Variants in NOTCH2 observed in about 807,000 individuals in gnomAD.
The protein encoded by NOTCH2 is neurogenic locus notch homolog protein 2.
NOTCH2 carries 29 observed loss-of-function variants against 235.8 expected under a neutral mutation model. The ratio of observed to expected loss-of-function variants is 0.12; its 90% CI spans 0.09 to 0.17. The LOEUF is 0.17. NOTCH2 is among the 10% of genes least tolerant of loss of function. NOTCH2 has a pLI of 1.00. For synonymous variants in NOTCH2, 1,086 were observed against 1,141.5 expected, an observed-to-expected ratio of 0.95 and a Z score of 0.98; for missense variants, 2,285 against 3,150.2, an observed-to-expected ratio of 0.73 and a Z score of 6.57.
chr1:119,917,123 G>GA (rs1336775673), intron 33 of NOTCH2, among the ~76,000 whole-genome samples: 2 of 151,956 alleles, frequency 1.3e-5, no homozygotes, highest in African/African-American at 2.4e-5. Flanking sequence ...GGTAGGAAGA[G>GA]AAAAAACTAA....
Position 119,965,536 on chromosome 1 carries a change from A to G in NOTCH2, c.1598T>C (p.Ile533Thr), listed in dbSNP as rs1651103498. 5.0e-6 allele frequency: 8 copies of G among 1,613,942 alleles called. No homozygotes were observed. The highest frequency in any genetic ancestry group is 6.8e-6 in the Non-Finnish European group (8 of 1,179,904). Reference sequence around the variant, plus strand: ...ACACGGAGTACTGGAACAGTCATCAATATCAATCTGGCAAACTGGCCCAGT... The same window carrying G: ...ACACGGAGTACTGGAACAGTCATCAGTATCAATCTGGCAAACTGGCCCAGT... ...GFTGPVCQID[I>T]DDCSSTPCLN... is the part of the protein sequence containing the mutation. The change falls in exon 10 of 34, where the codon ATT becomes ACT. Residue 533 changes from isoleucine to threonine, a missense_variant. Transcript: ENST00000256646.
chr1:120,015,353 AG>A (rs1287113609), intron 2 of NOTCH2, among the ~76,000 whole-genome samples: 1 of 152,006 alleles, frequency 6.6e-6, no homozygotes, highest in African/African-American at 2.4e-5. Flanking sequence ...TGAGCTCTAG[AG>A]GGGGGAGCTG....
At chr1:119,925,066 G>A (rs929767272) in intron 25 of NOTCH2, among the ~76,000 whole-genome samples, 4 of 152,308 alleles carry the variant, frequency 2.6e-5, no homozygotes, top group South Asian at 4.1e-4. Flanking sequence ...AGGAGGTCAC[G>A]AAGGCAGCAG....
intron 22 of NOTCH2, chr1:119,935,188 A>G (rs1253956089): frequency 5.5e-6 from 7 of 1,273,886 alleles, no homozygotes; most frequent in Non-Finnish European, 6.0e-6. Context: ...TGACCAGGCT[A>G]ATTTTTTAAT....
intron 5 of NOTCH2, among the ~76,000 whole-genome samples, chr1:119,982,295 C>G (rs1171362597): frequency 1.3e-5 from 2 of 152,330 alleles, no homozygotes; most frequent in Admixed American, 1.3e-4. Context: ...TCCCAGAGCA[C>G]TATTCCAAGC....
At chr1:119,987,884 C>T (rs1553202421) in intron 4 of NOTCH2, among the ~76,000 whole-genome samples, 1 of 152,114 alleles carries the variant, frequency 6.6e-6, no homozygotes, top group African/African-American at 2.4e-5. Context: ...AAAAATGAAA[C>T]TAGTACACCA....
intron 1 of NOTCH2, among the ~76,000 whole-genome samples, chr1:120,045,693 C>G (rs1217713227): frequency 1.3e-5 from 2 of 152,366 alleles, no homozygotes; most frequent in African/African-American, 4.8e-5. Flanking sequence ...CTATCTTTAT[C>G]TTTTCTACCT....
At chr1:120,033,491 A>G (rs1228609899) in intron 1 of NOTCH2, among the ~76,000 whole-genome samples, 1 of 145,818 alleles carries the variant, frequency 6.9e-6, no homozygotes, top group Admixed American at 6.9e-5. Context: ...TTAGATATAA[A>G]TTCTGTCATT....
intron 5 of NOTCH2, among the ~76,000 whole-genome samples, chr1:119,982,372 G>A (rs1204887764): frequency 6.6e-6 from 1 of 152,218 alleles, no homozygotes; most frequent in Non-Finnish European, 1.5e-5. Context: ...TGCCCCAGAA[G>A]TGAGCCCAAA....
chr1:119,948,439 C>T lies in NOTCH2; in HGVS notation c.2727G>A (p.Glu909=), dbSNP rs1292824057. 1 of 1,614,230 alleles carries T rather than the reference C, an allele frequency of 6.2e-7. No homozygotes were observed. The highest frequency in any genetic ancestry group is 1.3e-5 in the African/African-American group (1 of 75,058). Residue 909 remains glutamate, a synonymous_variant, in exon 17 of 34, where the codon GAG becomes GAA. Coordinates refer to ENST00000256646, the MANE Select transcript of NOTCH2 (RefSeq NM_024408.4). ...CPPGFSGMDC[E]EDIDDCLANP... Reference sequence around the variant, plus strand: ...TGGCAAGGCAGTCATCAATGTCCTCCTCACAGTCCATACCACTGAAGCCTG... The same window carrying T: ...TGGCAAGGCAGTCATCAATGTCCTCTTCACAGTCCATACCACTGAAGCCTG...
At position 119,937,184 on chromosome 1, in the gene NOTCH2, A is replaced by C. The variant is rs1649884485; in HGVS notation, c.3522+98T>G. 4.2e-6 allele frequency: 5 copies of C among 1,184,518 alleles called. No individual in the cohort carries two copies. In the South Asian group the frequency reaches 6.1e-5, roughly 15 times the overall value. The allele number at this position is 1,184,518 out of a possible 1,614,324, so 73.4% of individuals were successfully genotyped here. A position where few individuals can be genotyped will look rare whatever the true frequency, so the allele number is the denominator to read the frequency against. ...GATTGGTAAAAATCTATAAACTATC[A>C]ATATAAGATACAAGCAGCTAAATTC... On this transcript the variant is annotated intron_variant, in intron 21 of 33. Coordinates refer to ENST00000256646, the MANE Select transcript of NOTCH2 (RefSeq NM_024408.4).
chr1:120,001,384 A>G (rs1429178415), intron 3 of NOTCH2, among the ~76,000 whole-genome samples: 1 of 151,220 alleles, frequency 6.6e-6, no homozygotes, highest in African/African-American at 2.4e-5. Flanking sequence ...ACTGCTACGG[A>G]CCTCCACCAG....
chr1:119,987,091 T>A lies in NOTCH2; in HGVS notation c.752-9A>T. ...GGTGCTCCCTTCAAAACCTGGTAAA[T>A]GAAGAACAAATGAAAATGATGAAAT... On this transcript the variant is annotated splice_polypyrimidine_tract_variant and intron_variant, in intron 4 of 33. Coordinates refer to ENST00000256646, the MANE Select transcript of NOTCH2 (RefSeq NM_024408.4). 4 of 1,613,302 alleles carry A rather than the reference T, an allele frequency of 2.5e-6. No homozygotes were observed. The highest frequency in any genetic ancestry group is 3.4e-6 in the Non-Finnish European group (4 of 1,179,490).
intron 4 of NOTCH2, 61 bp from the exon 5 acceptor site, chr1:119,987,143 G>T (rs1426731451): frequency 2.5e-6 from 4 of 1,599,992 alleles, no homozygotes; most frequent in Non-Finnish European, 3.4e-6. Flanking sequence ...GACCTGCTCT[G>T]TTCCCACAGA....
chr1:119,956,054 C>G (rs782380387), intron 12 of NOTCH2, among the ~76,000 whole-genome samples: 1 of 152,138 alleles, frequency 6.6e-6, no homozygotes, highest in Non-Finnish European at 1.5e-5. Flanking sequence ...TTATCATCAT[C>G]ATACAATGTG....
chr1:120,041,925 G>A (rs1357078427), intron 1 of NOTCH2, among the ~76,000 whole-genome samples: 1 of 142,624 alleles, frequency 7.0e-6, no homozygotes, highest in South Asian at 2.3e-4. Context: ...GAAAGAGAGA[G>A]GAAGGAAGCA....
intron 33 of NOTCH2, among the ~76,000 whole-genome samples, chr1:119,917,169 T>C (rs926217397): frequency 6.7e-6 from 1 of 150,374 alleles, no homozygotes; most frequent in African/African-American, 2.5e-5. Context: ...AGGGAAACAG[T>C]GAAAGAAGAG....
chr1:119,923,619 C>A lies in NOTCH2; in HGVS notation c.4859+18G>T. On this transcript the variant is annotated intron_variant, in intron 26 of 33. Coordinates refer to ENST00000256646, the MANE Select transcript of NOTCH2 (RefSeq NM_024408.4). Reference sequence around the variant, plus strand: ...GCTTCATAAAATTAGCCTTGAAGTTCAGAAACCAAACACCTACCCAGCCAC... The same window carrying A: ...GCTTCATAAAATTAGCCTTGAAGTTAAGAAACCAAACACCTACCCAGCCAC... 2 of 1,610,112 alleles carry A rather than the reference C, an allele frequency of 1.2e-6. No individual in the cohort carries two copies. The highest frequency in any genetic ancestry group is 2.2e-5 in the South Asian group (2 of 90,952).
chr1:119,971,982 T>C (rs200771886), intron 5 of NOTCH2, among the ~76,000 whole-genome samples: 5 of 149,494 alleles, frequency 3.3e-5, no homozygotes, highest in Non-Finnish European at 7.4e-5. Context: ...ATGAGGGAAA[T>C]GAGGGAGGAA....
Sources: gnomAD v4.1 joint callset for allele counts (sites outside exome capture counted in the v4.1 genomes callset) on GRCh38, gnomAD v4.1.1 for gene constraint, MANE v1.5 for transcripts, NCBI Gene and HGNC (gene_info 2026-07-23, HGNC 2026-07-21) for gene names.